KIAA1328: variants seen among roughly 807,000 people sequenced by gnomAD.
KIAA1328 encodes protein hinderin.
Under a neutral mutation model 68.1 loss-of-function variants are expected in KIAA1328, and 52 were observed. The ratio of observed to expected loss-of-function variants is 0.76; its 90% CI spans 0.61 to 0.96. The LOEUF (loss-of-function observed/expected upper bound fraction) is 0.96, where lower values mean the gene tolerates loss of function less well. KIAA1328 is among the 40% of genes least tolerant of loss of function. The pLI, the probability that KIAA1328 is intolerant of heterozygous loss-of-function variation, is 0.00. For missense variants in KIAA1328, 641 were observed against 677.6 expected, an observed-to-expected ratio of 0.95 and a Z score of 0.60; for synonymous variants, 232 against 239.4, an observed-to-expected ratio of 0.97 and a Z score of 0.28.
At chr18:36,833,614 A>G (rs546318647) in intron 1 of KIAA1328, among the ~76,000 whole-genome samples, 2 of 152,368 alleles carry the variant, frequency 1.3e-5, no homozygotes, top group South Asian at 2.1e-4. Flanking sequence ...GAACATGCAC[A>G]GAAGTGACAG....
At chr18:37,034,705 T>G (rs2151596672) in intron 6 of KIAA1328, among the ~76,000 whole-genome samples, 1 of 152,326 alleles carries the variant, frequency 6.6e-6, no homozygotes, top group Admixed American at 6.5e-5. Context: ...ATATGAAATA[T>G]AGTTACTAAC....
intron 5 of KIAA1328, among the ~76,000 whole-genome samples, chr18:36,952,962 A>G (rs2151236589): frequency 6.6e-6 from 1 of 152,154 alleles, no homozygotes; most frequent in Non-Finnish European, 1.5e-5. Flanking sequence ...AATAGTAGAA[A>G]GAGAGAAACA....
At chr18:37,226,150 T>G (rs954599099), downstream of KIAA1328, among the ~76,000 whole-genome samples, 2 of 152,188 alleles carry the variant, frequency 1.3e-5, no homozygotes, top group African/African-American at 4.8e-5. Context: ...AGTCTTGGAT[T>G]CATTGCCCCT....
At chr18:37,131,689 C>T (rs2058525526) in intron 7 of KIAA1328, among the ~76,000 whole-genome samples, 1 of 151,906 alleles carries the variant, frequency 6.6e-6, no homozygotes, top group African/African-American at 2.4e-5. Context: ...GTTCATTTGG[C>T]AACTATACAG....
chr18:37,078,113 A>G (rs1323935865), intron 7 of KIAA1328, among the ~76,000 whole-genome samples: 2 of 152,248 alleles, frequency 1.3e-5, no homozygotes, highest in African/African-American at 4.8e-5. Flanking sequence ...ACAGCATGGT[A>G]CTGGTACCAA....
At chr18:37,025,937 T>C (rs2054558256) in intron 6 of KIAA1328, among the ~76,000 whole-genome samples, 1 of 152,262 alleles carries the variant, frequency 6.6e-6, no homozygotes, top group South Asian at 2.1e-4. Flanking sequence ...ATCCAGGAGC[T>C]GGTTTTTTGA....
chr18:36,996,502 A>ATTT (rs1219676784), intron 6 of KIAA1328, among the ~76,000 whole-genome samples: 2 of 152,180 alleles, frequency 1.3e-5, no homozygotes, highest in Admixed American at 1.3e-4. Flanking sequence ...AAATTTTAAA[A>ATTT]ACAGTAAGTA....
chr18:37,103,240 A>G (rs907806869), intron 7 of KIAA1328, among the ~76,000 whole-genome samples: 2 of 152,180 alleles, frequency 1.3e-5, no homozygotes, highest in Non-Finnish European at 2.9e-5. Context: ...ACATCACACT[A>G]CCTGACTTCA....
rs58940699 is a variant in KIAA1328, at chr18:37,105,916, C to CAAAAAAAAAAAAAAAAA, written c.1232+38384_1232+38400dup. 6.2e-4 allele frequency among the ~76,000 whole-genome samples: 12 copies of CAAAAAAAAAAAAAAAAA among 19,500 alleles called. 1 individual carries two copies. Among genetic ancestry groups the CAAAAAAAAAAAAAAAAA allele is most frequent in the Admixed American group, 7.8e-4 (1 of 1,288 alleles). 12.8% of individuals were successfully genotyped at this position (19,500 alleles called of 152,430 possible). On this transcript the variant is annotated intron_variant, in intron 7 of 9. Transcript: ENST00000280020. ...TGGTTGACAGAGCAAGACTCTGTGT[C>CAAAAAAAAAAAAAAAAA]AAAAAAAAAAAAAAAAAAAAAAAAA...
At position 36,983,971 on chromosome 18, in the gene KIAA1328, A is replaced by G. The variant is rs1053669164; in HGVS notation, c.576+24536A>G. Among the ~76,000 whole-genome samples the G allele has an allele frequency of 2.0e-5, 3 of 152,162 alleles. 1 individual carries two copies. Among genetic ancestry groups the G allele is most frequent in the African/African-American group, 7.2e-5 (3 of 41,452 alleles). On this transcript the variant is annotated intron_variant, in intron 6 of 9. Transcript: ENST00000280020. ...TAGCATTTGGAAACCAATTAACACA[A>G]TTCAGCATGTTAATAAGCTAAAAAA... is the stretch of plus-strand genomic sequence containing the variant.
At chr18:36,943,299 C>T (rs2050777359) in intron 5 of KIAA1328, among the ~76,000 whole-genome samples, 2 of 152,178 alleles carry the variant, frequency 1.3e-5, no homozygotes, top group South Asian at 4.1e-4. Flanking sequence ...TGTACAACTA[C>T]TTTCATTATA....
chr18:37,087,804 G>T (rs377045980), intron 7 of KIAA1328, among the ~76,000 whole-genome samples: 159 of 152,234 alleles, frequency 1.0e-3, no homozygotes, highest in African/African-American at 3.2e-3. Context: ...TGGGGAGCCA[G>T]GGGGAGTAAA....
chr18:36,914,440 G>A (rs893241670), intron 5 of KIAA1328, among the ~76,000 whole-genome samples: 1 of 152,084 alleles, frequency 6.6e-6, no homozygotes, highest in African/African-American at 2.4e-5. Context: ...CAGGATCCAG[G>A]GCCGGGCGTG....
chr18:36,900,526 A>C (rs1269730423), intron 5 of KIAA1328, among the ~76,000 whole-genome samples: 1 of 152,134 alleles, frequency 6.6e-6, no homozygotes, highest in African/African-American at 2.4e-5. Flanking sequence ...GTTTAAGAGC[A>C]TACTAAATCA....
At chr18:37,046,443 T>C (rs1313098784) in intron 6 of KIAA1328, among the ~76,000 whole-genome samples, 1 of 152,176 alleles carries the variant, frequency 6.6e-6, no homozygotes, top group Non-Finnish European at 1.5e-5. Flanking sequence ...AATCCAAATG[T>C]TGTTTCCAAC....
At chr18:36,914,589 G>A (rs1024365170) in intron 5 of KIAA1328, among the ~76,000 whole-genome samples, 6 of 151,802 alleles carry the variant, frequency 4.0e-5, no homozygotes, top group African/African-American at 1.2e-4. Context: ...GCGCAGTGGC[G>A]GGTGCCTGTA....
intron 7 of KIAA1328, among the ~76,000 whole-genome samples, chr18:37,159,672 C>A (rs565817498): frequency 2.0e-5 from 3 of 152,136 alleles, no homozygotes. Context: ...GTCTTGTTGA[C>A]CTTTTAATGA....
chr18:37,213,119 T>G (rs2060349996), intron 9 of KIAA1328, among the ~76,000 whole-genome samples: 1 of 152,242 alleles, frequency 6.6e-6, no homozygotes, highest in African/African-American at 2.4e-5. Context: ...TCAGTCACTC[T>G]TAGCAAATGA....
At chr18:36,927,973 CAG>C (rs2050181468) in intron 5 of KIAA1328, among the ~76,000 whole-genome samples, 1 of 152,052 alleles carries the variant, frequency 6.6e-6, no homozygotes, top group Admixed American at 6.5e-5. Flanking sequence ...TAATTCAACA[CAG>C]AAATACATAT....
Sources: allele counts gnomAD v4.1 joint callset (sites outside exome capture counted in the v4.1 genomes callset), GRCh38; gene constraint gnomAD v4.1.1; transcripts MANE v1.5; gene names NCBI Gene and HGNC (gene_info 2026-07-23, HGNC 2026-07-21).